SETBP1: variants seen among roughly 807,000 people sequenced by gnomAD.
The protein encoded by SETBP1 is SET-binding protein.
In SETBP1, 9 loss-of-function variants were observed where a neutral mutation model predicts 101.0. The ratio of observed to expected loss-of-function variants is 0.09; its 90% CI spans 0.05 to 0.16. The LOEUF is 0.16. Among genes scored for constraint, SETBP1 ranks in the 10% least tolerant of loss-of-function variants. The pLI, the probability that SETBP1 is intolerant of heterozygous loss-of-function variation, is 1.00. For synonymous variants in SETBP1, 818 were observed against 788.5 expected (o/e 1.04, Z -0.63); for missense variants, 1,858 against 2,033.8 (o/e 0.91, Z 1.66).
intron 2 of SETBP1, among the ~76,000 whole-genome samples, chr18:44,851,177 G>C (rs749290882): frequency 6.6e-6 from 1 of 152,132 alleles, no homozygotes; most frequent in Non-Finnish European, 1.5e-5. Context: ...CAACCCAAGA[G>C]CCATCTGAAG....
intron 2 of SETBP1, among the ~76,000 whole-genome samples, chr18:44,757,077 G>A (rs1334850165): frequency 2.0e-5 from 3 of 151,848 alleles, no homozygotes; most frequent in Admixed American, 1.3e-4. Context: ...TTTAGTTCAC[G>A]TATCTGACTC....
chr18:44,807,971 A>G (rs1394032306), intron 2 of SETBP1, among the ~76,000 whole-genome samples: 2 of 152,216 alleles, frequency 1.3e-5, no homozygotes, highest in African/African-American at 2.4e-5. Flanking sequence ...CAAAGCCATC[A>G]GAACCTACGA....
At chr18:44,765,402 AT>A (rs2070745728) in intron 2 of SETBP1, among the ~76,000 whole-genome samples, 1 of 152,104 alleles carries the variant, frequency 6.6e-6, no homozygotes. Flanking sequence ...TTAAGCAGGC[AT>A]TTTGTGGGTG....
At chr18:44,759,876 A>T (rs1177061827) in intron 2 of SETBP1, among the ~76,000 whole-genome samples, 7 of 152,164 alleles carry the variant, frequency 4.6e-5, no homozygotes, top group African/African-American at 9.7e-5. Flanking sequence ...ACTCCAAAAA[A>T]CTGACGTCTG....
At chr18:44,810,663 G>T (rs547925974) in intron 2 of SETBP1, among the ~76,000 whole-genome samples, 1 of 152,144 alleles carries the variant, frequency 6.6e-6, no homozygotes, top group Non-Finnish European at 1.5e-5. Context: ...TGTCCACTTG[G>T]GTTTGGGAAG....
At chr18:44,883,121 A>G (rs1470055624) in intron 3 of SETBP1, among the ~76,000 whole-genome samples, 3 of 152,196 alleles carry the variant, frequency 2.0e-5, no homozygotes, top group East Asian at 1.9e-4. Context: ...TCTCATTAGC[A>G]TGGAATGGAA....
At chr18:44,809,644 G>C (rs1258447531) in intron 2 of SETBP1, among the ~76,000 whole-genome samples, 1 of 152,180 alleles carries the variant, frequency 6.6e-6, no homozygotes, top group Non-Finnish European at 1.5e-5. Context: ...AGATGATGTT[G>C]TTCTTTTAAT....
At chr18:45,023,983 C>A (rs1419460168) in intron 4 of SETBP1, among the ~76,000 whole-genome samples, 1 of 152,204 alleles carries the variant, frequency 6.6e-6, no homozygotes, top group Non-Finnish European at 1.5e-5. Context: ...GACCGTCTGG[C>A]TCCAGGGGCA....
At chr18:45,016,239 A>G (rs534581232) in intron 4 of SETBP1, among the ~76,000 whole-genome samples, 1 of 152,198 alleles carries the variant, frequency 6.6e-6, no homozygotes. Flanking sequence ...GATTGAATGT[A>G]ATTTCTGCAG....
chr18:44,994,791 T>C (rs1192007186), intron 4 of SETBP1, among the ~76,000 whole-genome samples: 1 of 152,144 alleles, frequency 6.6e-6, no homozygotes, highest in African/African-American at 2.4e-5. Flanking sequence ...GCCCAATATC[T>C]ACAAAATTCA....
In SETBP1 at chr18:44,734,686, G is replaced by C. The variant is rs573222946; in HGVS notation, c.486+32854G>C. On this transcript the variant is annotated intron_variant, in intron 2 of 5. Transcript: ENST00000649279. ...ATCCCCTTCCTTCCTGGTGTCCTCA[G>C]CTCATGCCTTCCTTACCTCTAAACT... Among the ~76,000 whole-genome samples the C allele has an allele frequency of 2.3e-4, 35 of 152,100 alleles. No individual in the cohort carries two copies. The East Asian group carries it at 5.0e-3, about 22-fold the overall frequency.
chr18:44,990,394 G>C (rs528612150), intron 4 of SETBP1, among the ~76,000 whole-genome samples: 34 of 152,122 alleles, frequency 2.2e-4, no homozygotes, highest in African/African-American at 7.9e-4. Flanking sequence ...AGGAGTTTAA[G>C]ACCAGCCTGG....
intron 2 of SETBP1, among the ~76,000 whole-genome samples, chr18:44,740,361 T>C (rs1385109974): frequency 6.6e-6 from 1 of 152,218 alleles, no homozygotes; most frequent in Non-Finnish European, 1.5e-5. Flanking sequence ...AAAGTGGTTA[T>C]CAGGACAGCT....
chr18:44,848,819 T>C (rs990565469), intron 2 of SETBP1, among the ~76,000 whole-genome samples: 1 of 152,164 alleles, frequency 6.6e-6, no homozygotes, highest in African/African-American at 2.4e-5. Context: ...TGAAGAGAAT[T>C]ACATTTCTCC....
chr18:44,745,846 G>T (rs2070230911), intron 2 of SETBP1, among the ~76,000 whole-genome samples: 1 of 152,174 alleles, frequency 6.6e-6, no homozygotes, highest in Non-Finnish European at 1.5e-5. Context: ...GGTGGTGCAG[G>T]ATTGTTTTGA....
chr18:44,946,969 A>G (rs1400751723), intron 3 of SETBP1, among the ~76,000 whole-genome samples: 2 of 152,200 alleles, frequency 1.3e-5, no homozygotes, highest in African/African-American at 4.8e-5. Flanking sequence ...TGATCTCACT[A>G]TTGACAAAAT....
intron 2 of SETBP1, among the ~76,000 whole-genome samples, chr18:44,751,384 T>C (rs1334544534): frequency 6.6e-6 from 1 of 152,154 alleles, no homozygotes; most frequent in African/African-American, 2.4e-5. Flanking sequence ...GGTAAGAAAG[T>C]AGATGAGAGA....
At chr18:44,852,124 G>A (rs1316580308) in intron 2 of SETBP1, among the ~76,000 whole-genome samples, 1 of 152,228 alleles carries the variant, frequency 6.6e-6, no homozygotes, top group African/African-American at 2.4e-5. Context: ...GAGCTGCTTT[G>A]ATTCAGCCCC....
At chr18:45,037,715 C>G (rs899261108) in intron 4 of SETBP1, among the ~76,000 whole-genome samples, 1 of 152,114 alleles carries the variant, frequency 6.6e-6, no homozygotes, top group African/African-American at 2.4e-5. Context: ...CACCTCCTGA[C>G]TCCTCAGGCT....
Sources: gnomAD v4.1 joint callset for allele counts (sites outside exome capture counted in the v4.1 genomes callset) on GRCh38, gnomAD v4.1.1 for gene constraint, MANE v1.5 for transcripts, NCBI Gene and HGNC (gene_info 2026-07-23, HGNC 2026-07-21) for gene names.